The following SOX5 variants were observed in gnomAD, a reference collection of about 807,000 sequenced individuals.
SOX5 encodes the protein SRY-box transcription factor 5, also known as transcription factor SOX-5.
Under a neutral mutation model 92.0 loss-of-function variants are expected in SOX5, and 9 were observed. The ratio of observed to expected loss-of-function variants is 0.10; its 90% confidence interval spans 0.06 to 0.17. SOX5 has a LOEUF of 0.17. Among genes scored for constraint, SOX5 ranks in the 10% least tolerant of loss-of-function variants. The pLI is 1.00. For synonymous variants in SOX5, 344 were observed against 336.3 expected (o/e 1.02, Z -0.25); for missense variants, 642 against 944.5 (o/e 0.68, Z 4.20).
rs1016169091 is a variant in SOX5, at chr12:23,823,581, C to G, written c.481+22402G>C. ...TTCATTTCAACCTTGATGAATCTGA[C>G]GATTACGTGTCTTGGGGTTGCTCTT... On this transcript the variant is annotated intron_variant, in intron 3 of 14. Transcript: ENST00000451604. Among the ~76,000 whole-genome samples the G allele has an allele frequency of 7.9e-5, 12 of 152,252 alleles. No homozygotes were observed. The East Asian group carries it at 2.3e-3, about 29-fold the overall frequency.
intron 4 of SOX5, among the ~76,000 whole-genome samples, chr12:24,179,340 T>A (rs954993019): frequency 2.6e-5 from 4 of 152,134 alleles, no homozygotes; most frequent in African/African-American, 9.7e-5. Flanking sequence ...GACTTACAAT[T>A]TTTTTGGCTT....
At chr12:24,030,187 T>C (rs1247843179) in intron 4 of SOX5, among the ~76,000 whole-genome samples, 1 of 151,862 alleles carries the variant, frequency 6.6e-6, no homozygotes, top group Non-Finnish European at 1.5e-5. Flanking sequence ...ATAATACTAT[T>C]TTTTTGATAG....
At chr12:24,112,039 C>T (rs1947410847) in intron 4 of SOX5, among the ~76,000 whole-genome samples, 1 of 152,004 alleles carries the variant, frequency 6.6e-6, no homozygotes, top group African/African-American at 2.4e-5. Flanking sequence ...TGACAAACAG[C>T]CAAATAAAGA....
At chr12:24,448,278 T>G (rs1457501190) in intron 1 of SOX5, among the ~76,000 whole-genome samples, 1 of 152,138 alleles carries the variant, frequency 6.6e-6, no homozygotes, top group Non-Finnish European at 1.5e-5. Flanking sequence ...AATAACCATC[T>G]CACAGTAAAT....
intron 3 of SOX5, among the ~76,000 whole-genome samples, chr12:23,780,679 G>A (rs1404557117): frequency 6.6e-6 from 1 of 151,998 alleles, no homozygotes; most frequent in Non-Finnish European, 1.5e-5. Flanking sequence ...AATCCTGGTA[G>A]GTAGACTATT....
Position 24,003,108 on chromosome 12 carries a change from C to T in SOX5, c.-1-107084G>A, listed in dbSNP as rs539503543. On this transcript the variant is annotated intron_variant, in intron 4 of 4. Transcript: ENST00000446891. ...AAAAATTTTTGACTAAACCCAACAC[C>T]TATTCATGGTAGAAATTCTCAACTA... Among the ~76,000 whole-genome samples the T allele has an allele frequency of 2.0e-5, 3 of 152,084 alleles. No individual in the cohort carries two copies. In the East Asian group the frequency reaches 5.8e-4, roughly 29 times the overall value.
At position 24,049,288 on chromosome 12, in the gene SOX5, G is replaced by A. The variant is rs1016688107; in HGVS notation, c.-1-153264C>T. Among the ~76,000 whole-genome samples, 5 of 152,218 alleles carry A rather than the reference G, an allele frequency of 3.3e-5. No homozygotes were observed. The East Asian group carries it at 5.8e-4, about 18-fold the overall frequency. On this transcript the variant is annotated intron_variant, in intron 4 of 4. Transcript: ENST00000446891. The stretch of plus-strand genomic sequence containing the variant: ...AAGATATCACTCCTTGGCCAAATAC[G>A]CCTTGAGACCAAGGCGTGATGAAAA...
intron 1 of SOX5, among the ~76,000 whole-genome samples, chr12:24,390,685 T>C (rs1958905621): frequency 1.3e-5 from 2 of 152,184 alleles, no homozygotes; most frequent in Admixed American, 6.5e-5. Context: ...GACTTTCTCT[T>C]TGAATTATTT....
At chr12:24,086,857 T>C (rs1458998544) in intron 4 of SOX5, among the ~76,000 whole-genome samples, 3 of 152,062 alleles carry the variant, frequency 2.0e-5, no homozygotes, top group African/African-American at 7.2e-5. Flanking sequence ...AAAAACACAG[T>C]CAAATATTCA....
intron 3 of SOX5, among the ~76,000 whole-genome samples, chr12:23,780,907 C>A (rs2095264904): frequency 6.6e-6 from 1 of 151,820 alleles, no homozygotes; most frequent in South Asian, 2.1e-4. Flanking sequence ...AGGCTCTACT[C>A]TAGACATGAG....
At chr12:24,223,922 C>T (rs79031318) in intron 3 of SOX5, among the ~76,000 whole-genome samples, 99 of 152,242 alleles carry the variant, frequency 6.5e-4, no homozygotes, top group East Asian at 1.5e-3. Context: ...GAGAACTGGA[C>T]GCAATTCTTC....
intron 4 of SOX5, among the ~76,000 whole-genome samples, chr12:24,161,702 T>C (rs1952772104): frequency 6.6e-6 from 1 of 152,072 alleles, no homozygotes; most frequent in Non-Finnish European, 1.5e-5. Flanking sequence ...AAGTCATGGC[T>C]CATAATTTAA....
chr12:23,918,910 C>T (rs1223381967), intron 1 of SOX5, among the ~76,000 whole-genome samples: 1 of 150,696 alleles, frequency 6.6e-6, no homozygotes, highest in Non-Finnish European at 1.5e-5. Flanking sequence ...TAGCAAGACT[C>T]CATTTCAAAA....
At chr12:23,658,375 T>C (rs2082585890) in intron 7 of SOX5, among the ~76,000 whole-genome samples, 1 of 152,220 alleles carries the variant, frequency 6.6e-6, no homozygotes, top group South Asian at 2.1e-4. Flanking sequence ...CCCAGTTCTC[T>C]TTATTTTTCA....
intron 4 of SOX5, among the ~76,000 whole-genome samples, chr12:24,021,195 G>A (rs1161192855): frequency 6.6e-6 from 1 of 152,224 alleles, no homozygotes; most frequent in African/African-American, 2.4e-5. Flanking sequence ...GGAGATTTCA[G>A]AAGGTATCAG....
At chr12:23,718,054 C>T (rs1199697238) in intron 6 of SOX5, among the ~76,000 whole-genome samples, 9 of 151,006 alleles carry the variant, frequency 6.0e-5, no homozygotes, top group Non-Finnish European at 1.2e-4. Flanking sequence ...AAATTAAAGA[C>T]ATACTCCAAG....
intron 1 of SOX5, among the ~76,000 whole-genome samples, chr12:24,507,687 T>C (rs373840403): frequency 1.3e-5 from 2 of 152,292 alleles, no homozygotes; most frequent in Admixed American, 6.5e-5. Flanking sequence ...TAAATAACAT[T>C]GTTATGTACG....
At chr12:23,989,659 T>C (rs1950376654) in intron 4 of SOX5, among the ~76,000 whole-genome samples, 1 of 152,034 alleles carries the variant, frequency 6.6e-6, no homozygotes, top group African/African-American at 2.4e-5. Context: ...ATGAATGAGA[T>C]TTGTGCCCTT....
chr12:23,704,748 A>C (rs1326923083), intron 6 of SOX5, among the ~76,000 whole-genome samples: 2 of 148,064 alleles, frequency 1.4e-5, no homozygotes, highest in African/African-American at 4.9e-5. Flanking sequence ...ACATACATGC[A>C]GACAGATACC....
Sources: allele counts gnomAD v4.1 joint callset (sites outside exome capture counted in the v4.1 genomes callset), GRCh38; gene constraint gnomAD v4.1.1; transcripts MANE v1.5; gene names NCBI Gene and HGNC (gene_info 2026-07-23, HGNC 2026-07-21).